Variants in KCNQ1 observed in about 807,000 individuals in gnomAD.
KCNQ1 encodes the protein potassium voltage-gated channel subfamily Q member 1, also known as potassium voltage-gated channel subfamily KQT member 1.
Under a neutral mutation model 72.4 loss-of-function variants are expected in KCNQ1, and 49 were observed. The observed-to-expected ratio is 0.68, with a 90% confidence interval of 0.54 to 0.86. The LOEUF (loss-of-function observed/expected upper bound fraction) is 0.86, where lower values mean the gene tolerates loss of function less well. Among genes scored for constraint, KCNQ1 ranks in the 40% least tolerant of loss-of-function variants. The pLI is 0.00. For synonymous variants in KCNQ1, 450 were observed against 412.6 expected (o/e 1.09, Z -1.10); for missense variants, 790 against 945.1 (o/e 0.84, Z 2.15).
At chr11:2,640,436 C>T (rs1428121124) in intron 10 of KCNQ1, 27 of 398,500 alleles carry the variant, frequency 6.8e-5, no homozygotes, top group Non-Finnish European at 1.1e-4. Context: ...CAGGCATGCA[C>T]CACCATGCCT....
rs1848223698 is a variant in KCNQ1, at chr11:2,564,841, G to A, written c.478-5787G>A. On this transcript the variant is annotated intron_variant, in intron 2 of 15. Coordinates refer to ENST00000155840, the MANE Select transcript of KCNQ1 (RefSeq NM_000218.3). This position sits in a 1 kb window ranked among gnomAD's most constrained non-coding sequence, Gnocchi z 4.5. ...ACGTGAGTGGAAGCAGATAGTATTT[G>A]TCCTTGTGTAACTGGATCATTTCAC... Among the ~76,000 whole-genome samples, 1 of 152,202 alleles carries A rather than the reference G, an allele frequency of 6.6e-6. No homozygotes were observed. The highest frequency in any genetic ancestry group is 1.5e-5 in the Non-Finnish European group (1 of 68,038).
At chr11:2,741,527 C>T (rs1218858086) in intron 11 of KCNQ1, among the ~76,000 whole-genome samples, 1 of 152,186 alleles carries the variant, frequency 6.6e-6, no homozygotes, top group Non-Finnish European at 1.5e-5. Context: ...CTTCTACCTA[C>T]AGCCTATCCC....
Position 2,627,467 on chromosome 11 carries a change from T to C in KCNQ1, c.1394-34494T>C, listed in dbSNP as rs1849280280. 5.0e-6 allele frequency: 2 copies of C among 398,436 alleles called. No homozygotes were observed. The highest frequency in any genetic ancestry group is 2.1e-5 in the African/African-American group (1 of 48,624). 24.7% of individuals were successfully genotyped at this position (398,436 alleles called of 1,614,324 possible). On this transcript the variant is annotated intron_variant, in intron 10 of 15. Transcript: ENST00000155840. This position sits in a 1 kb window ranked among gnomAD's most constrained non-coding sequence, Gnocchi z 4.9. ...AACATTTCCTATTTCCCCTACTCCCTGACCCCTAGTAACCACCCTTCTACT... is the reference window on the plus strand; with the variant it reads ...AACATTTCCTATTTCCCCTACTCCCCGACCCCTAGTAACCACCCTTCTACT...
intron 11 of KCNQ1, among the ~76,000 whole-genome samples, chr11:2,758,017 A>C (rs1846332189): frequency 6.6e-6 from 1 of 152,234 alleles, no homozygotes; most frequent in Admixed American, 6.5e-5. Flanking sequence ...AACAGTTCTC[A>C]CATTGGATGC....
At chr11:2,540,171 G>A (rs1847801933) in intron 2 of KCNQ1, among the ~76,000 whole-genome samples, 1 of 152,166 alleles carries the variant, frequency 6.6e-6, no homozygotes, top group African/African-American at 2.4e-5. Context: ...GGTAGCCTGA[G>A]GTCTCCTCTG....
At chr11:2,607,469 T>C (rs1024425152) in intron 10 of KCNQ1, among the ~76,000 whole-genome samples, 3 of 152,186 alleles carry the variant, frequency 2.0e-5, no homozygotes, top group Non-Finnish European at 2.9e-5. Flanking sequence ...GGTGGAGACC[T>C]CATGGAATGG....
chr11:2,551,670 C>T (rs1468902449), intron 2 of KCNQ1, among the ~76,000 whole-genome samples: 1 of 152,230 alleles, frequency 6.6e-6, no homozygotes, highest in Non-Finnish European at 1.5e-5. Context: ...TTCGAAGAAA[C>T]TGCCAAAGCA....
At position 2,579,648 on chromosome 11, in the gene KCNQ1, G is replaced by A. The variant is rs150010402; in HGVS notation, c.922-3787G>A. ...GTCTGGGCAGACAGGCAGACCAGGCGAAGGTGGGGTCCTGGAGCTGCGTCC... is the reference window on the plus strand; with the variant it reads ...GTCTGGGCAGACAGGCAGACCAGGCAAAGGTGGGGTCCTGGAGCTGCGTCC... On this transcript the variant is annotated intron_variant, in intron 6 of 15. Coordinates refer to ENST00000155840, the MANE Select transcript of KCNQ1 (RefSeq NM_000218.3). This position sits in a 1 kb window ranked among gnomAD's most constrained non-coding sequence, Gnocchi z 6.0. Among the ~76,000 whole-genome samples, 606 of 152,306 alleles carry A rather than the reference G, an allele frequency of 4.0e-3. 4 individuals are homozygous for A. Among genetic ancestry groups the A allele is most frequent in the Middle Eastern group, 0.017 (5 of 294 alleles).
intron 15 of KCNQ1, among the ~76,000 whole-genome samples, chr11:2,794,621 A>T (rs1847095588): frequency 6.6e-6 from 1 of 152,142 alleles, no homozygotes; most frequent in Non-Finnish European, 1.5e-5. Context: ...GTGTTCACAG[A>T]TTAGCGGGGA....
rs1175170706 is a variant in KCNQ1 at position 2,658,618 on chromosome 11, G to C, written c.1394-3343G>C. 9 of 398,282 alleles carry C rather than the reference G, an allele frequency of 2.3e-5. No individual in the cohort carries two copies. The East Asian group carries it at 3.2e-4, about 14-fold the overall frequency. The allele number at this position is 398,282 out of a possible 1,614,324, so 24.7% of individuals were successfully genotyped here. ...AGAATGAATAGAAAACCTGGATCTA[G>C]GCACGGGGTATGCTCGTGGCTACTA... On this transcript the variant is annotated intron_variant, in intron 10 of 15. Coordinates refer to ENST00000155840, the MANE Select transcript of KCNQ1 (RefSeq NM_000218.3). This position sits in a 1 kb window ranked among gnomAD's most constrained non-coding sequence, Gnocchi z 4.9.
rs912667868 is a variant in KCNQ1, at chr11:2,579,980, C to T, written c.922-3455C>T. Among the ~76,000 whole-genome samples, 11 of 152,200 alleles carry T rather than the reference C, an allele frequency of 7.2e-5. No individual in the cohort carries two copies. The highest frequency in any genetic ancestry group is 2.7e-4 in the African/African-American group (11 of 41,432). ...CCCACTCCATTCCACCTTCATCATG[C>T]AGTTTCTGTATTAGATTTTTAAATA... On this transcript the variant is annotated intron_variant, in intron 6 of 15. Coordinates refer to ENST00000155840, the MANE Select transcript of KCNQ1 (RefSeq NM_000218.3). The surrounding 1 kb of genome is among the most constrained non-coding windows in gnomAD (Gnocchi z 6.0).
chr11:2,667,981 C>G (rs1021385707), intron 11 of KCNQ1: 19 of 398,562 alleles, frequency 4.8e-5, no homozygotes, highest in African/African-American at 3.9e-4. Context: ...CTCCCATTTC[C>G]TGTCACTGAC....
rs1474333089 is a variant in KCNQ1, at chr11:2,497,200, G to A, written c.387-30728G>A. On this transcript the variant is annotated intron_variant, in intron 1 of 15. Coordinates refer to ENST00000155840, the MANE Select transcript of KCNQ1 (RefSeq NM_000218.3). This position sits in a 1 kb window ranked among gnomAD's most constrained non-coding sequence, Gnocchi z 4.5. ...GGTGTTCTCTGTATTTCCTGAATTTGAATGCTAGCCTGTCTTGCTAGGTTG... is the reference window on the plus strand; with the variant it reads ...GGTGTTCTCTGTATTTCCTGAATTTAAATGCTAGCCTGTCTTGCTAGGTTG... Among the ~76,000 whole-genome samples the A allele has an allele frequency of 6.6e-6, 1 of 152,104 alleles. No homozygotes were observed. Among genetic ancestry groups the A allele is most frequent in the Non-Finnish European group, 1.5e-5 (1 of 68,018 alleles).
In KCNQ1 at chr11:2,720,369, A is replaced by T. The variant is rs1441392897; in HGVS notation, c.1515-48475A>T. ...CAGCCGCCTTCCGGGGCCCGGCTAC[A>T]GTCAGGCCTCCTTCGTGCTGAGCAT... On this transcript the variant is annotated intron_variant, in intron 11 of 15. Transcript: ENST00000155840. This position sits in a 1 kb window ranked among gnomAD's most constrained non-coding sequence, Gnocchi z 5.1. Among the ~76,000 whole-genome samples the T allele has an allele frequency of 6.6e-6, 1 of 152,170 alleles. No homozygotes were observed. The highest frequency in any genetic ancestry group is 1.5e-5 in the Non-Finnish European group (1 of 68,034).
In KCNQ1 at chr11:2,617,887, T is replaced by C. The variant is rs1849093775; in HGVS notation, c.1393+29033T>C. ...CCCATTTTTTAATTGGGTTATCTAT[T>C]TTCTTGTTATTGAGTTGTATGCATT... On this transcript the variant is annotated intron_variant, in intron 10 of 15. Coordinates refer to ENST00000155840, the MANE Select transcript of KCNQ1 (RefSeq NM_000218.3). The surrounding 1 kb of genome is among the most constrained non-coding windows in gnomAD (Gnocchi z 4.6). 2.5e-6 allele frequency: 1 copy of C among 398,584 alleles called. No homozygotes were observed. Among genetic ancestry groups the C allele is most frequent in the Non-Finnish European group, 4.4e-6 (1 of 226,034 alleles). 24.7% of individuals were successfully genotyped at this position (398,584 alleles called of 1,614,324 possible). A position where few individuals can be genotyped will look rare whatever the true frequency, so the allele number is the denominator to read the frequency against.
intron 11 of KCNQ1, among the ~76,000 whole-genome samples, chr11:2,753,249 C>T (rs1259407530): frequency 2.0e-5 from 3 of 152,236 alleles, no homozygotes; most frequent in Middle Eastern, 3.4e-3. Flanking sequence ...GTCTGTCCCT[C>T]GGAAAGCCCC....
intron 15 of KCNQ1, among the ~76,000 whole-genome samples, chr11:2,829,330 G>A (rs754381250): frequency 7.2e-5 from 11 of 152,092 alleles, no homozygotes; most frequent in Admixed American, 4.6e-4. Context: ...AAAAATGAAG[G>A]TGATAGACTG....
chr11:2,482,383 T>C lies in KCNQ1; in HGVS notation c.386+36899T>C, dbSNP rs1846664756. 6.6e-6 allele frequency among the ~76,000 whole-genome samples: 1 copy of C among 152,222 alleles called. No homozygotes were observed. The highest frequency in any genetic ancestry group is 1.5e-5 in the Non-Finnish European group (1 of 68,040). ...GCTGCCTGGCATTTCCCCTGTGTTA[T>C]TGAACGTAATCAACTCTCTATTGAC... On this transcript the variant is annotated intron_variant, in intron 1 of 15. Transcript: ENST00000155840. The surrounding 1 kb of genome is among the most constrained non-coding windows in gnomAD (Gnocchi z 5.7).
rs528577993 is a variant in KCNQ1, at chr11:2,715,406, C to T, written c.1514+53325C>T. ...GCAGGAGGGGGCTTTGCAGATTACCCAGACCCTTTGTTGGCCAGTGTGGGA... is the reference window on the plus strand; with the variant it reads ...GCAGGAGGGGGCTTTGCAGATTACCTAGACCCTTTGTTGGCCAGTGTGGGA... On this transcript the variant is annotated intron_variant, in intron 11 of 15. Coordinates refer to ENST00000155840, the MANE Select transcript of KCNQ1 (RefSeq NM_000218.3). The surrounding 1 kb of genome is among the most constrained non-coding windows in gnomAD (Gnocchi z 4.9). Among the ~76,000 whole-genome samples the T allele has an allele frequency of 1.3e-5, 2 of 152,252 alleles. No individual in the cohort carries two copies. The highest frequency in any genetic ancestry group is 2.9e-5 in the Non-Finnish European group (2 of 67,990).
Sources: allele counts gnomAD v4.1 joint callset (sites outside exome capture counted in the v4.1 genomes callset), GRCh38; gene constraint gnomAD v4.1.1; non-coding constraint Gnocchi (gnomAD v3.1); transcripts MANE v1.5; gene names NCBI Gene and HGNC (gene_info 2026-07-23, HGNC 2026-07-21).